Variants in ABCG2 observed in about 807,000 individuals in gnomAD.
ABCG2 encodes broad substrate specificity ATP-binding cassette transporter ABCG2.
In ABCG2, 80 loss-of-function variants were observed where a neutral mutation model predicts 73.5. The ratio of observed to expected loss-of-function variants is 1.09; its 90% CI spans 0.91 to 1.31. ABCG2 has a LOEUF of 1.31. Among genes scored for constraint, ABCG2 ranks in the 50% most tolerant of loss-of-function variants. The probability of loss-of-function intolerance (pLI) is 0.00; values close to 1 mark genes in which losing one functional copy is unlikely to be tolerated. For synonymous variants in ABCG2, 269 were observed against 282.4 expected, an observed-to-expected ratio of 0.95 and a Z score of 0.48; for missense variants, 796 against 786.2, an observed-to-expected ratio of 1.01 and a Z score of -0.15.
At chr4:88,136,930 T>C (rs1403592057) in intron 2 of ABCG2, among the ~76,000 whole-genome samples, 1 of 150,738 alleles carries the variant, frequency 6.6e-6, no homozygotes, top group Non-Finnish European at 1.5e-5. Flanking sequence ...GAGAATCTCT[T>C]GAACCCAGGA....
chr4:88,138,902 G>A (rs1725423972), intron 2 of ABCG2, among the ~76,000 whole-genome samples: 1 of 152,090 alleles, frequency 6.6e-6, no homozygotes, highest in Admixed American at 6.6e-5. Flanking sequence ...CAGTGCTTTG[G>A]GAGGCTGAGG....
chr4:88,194,339 A>G (rs1049158146), intron 1 of ABCG2, among the ~76,000 whole-genome samples: 3 of 151,874 alleles, frequency 2.0e-5, no homozygotes, highest in Non-Finnish European at 4.4e-5. Context: ...TCACGAGGTC[A>G]GGAGATAAAG....
intron 1 of ABCG2, among the ~76,000 whole-genome samples, chr4:88,148,394 G>C (rs1726197919): frequency 6.6e-6 from 1 of 152,160 alleles, no homozygotes; most frequent in South Asian, 2.1e-4. Flanking sequence ...CCATTCATGA[G>C]GCTGGAGTTT....
intron 1 of ABCG2, among the ~76,000 whole-genome samples, chr4:88,174,515 G>T (rs917510020): frequency 3.3e-5 from 5 of 152,126 alleles, no homozygotes; most frequent in Non-Finnish European, 7.4e-5. Context: ...CTTTTTTATG[G>T]CCACATAGTA....
At chr4:88,153,647 G>A (rs1726705077) in intron 1 of ABCG2, among the ~76,000 whole-genome samples, 2 of 152,114 alleles carry the variant, frequency 1.3e-5, no homozygotes, top group South Asian at 4.2e-4. Context: ...GAGGTGGGAA[G>A]GCCAAACCAA....
At chr4:88,146,340 G>GT (rs11413103) in intron 1 of ABCG2, among the ~76,000 whole-genome samples, 72,171 of 150,962 alleles carry the variant, frequency 0.48, 18,049 homozygotes, top group East Asian at 0.67. Context: ...ACATAAGTAA[G>GT]GTGGGAGTTT....
intron 1 of ABCG2, among the ~76,000 whole-genome samples, chr4:88,208,215 A>G (rs1729453895): frequency 6.6e-6 from 1 of 152,234 alleles, no homozygotes; most frequent in Admixed American, 6.5e-5. Flanking sequence ...ATTCACCGAA[A>G]CAATTTACAT....
intron 1 of ABCG2, among the ~76,000 whole-genome samples, chr4:88,182,812 G>T (rs759664555): frequency 3.3e-5 from 5 of 152,104 alleles, no homozygotes; most frequent in African/African-American, 1.2e-4. Flanking sequence ...ACAGCCAGGC[G>T]TGGTGGCTCA....
chr4:88,109,011 T>TG (rs1005800800), intron 9 of ABCG2, among the ~76,000 whole-genome samples: 9 of 151,728 alleles, frequency 5.9e-5, no homozygotes, highest in African/African-American at 2.2e-4. Flanking sequence ...ATTTTTTTTT[T>TG]TTTTTTTGAG....
At chr4:88,100,838 T>C (rs565652449) in intron 11 of ABCG2, among the ~76,000 whole-genome samples, 1 of 152,202 alleles carries the variant, frequency 6.6e-6, no homozygotes, top group East Asian at 1.9e-4. Context: ...CCCTCAAACT[T>C]TTCTTGTGAA....
intron 5 of ABCG2, among the ~76,000 whole-genome samples, chr4:88,124,022 G>A (rs1342831986): frequency 1.3e-5 from 2 of 152,164 alleles, no homozygotes; most frequent in Non-Finnish European, 2.9e-5. Context: ...AATTCTTAAA[G>A]AAAAGAATTT....
intron 13 of ABCG2, 138 bp from the exon 14 acceptor site, chr4:88,095,747 A>G: frequency 1.5e-6 from 1 of 654,638 alleles, no homozygotes; most frequent in South Asian, 1.8e-5. Context: ...CTCTCCACTT[A>G]CTCAAGACAC....
upstream of ABCG2, chr4:88,159,366 G>T: frequency 5.6e-6 from 2 of 359,842 alleles, no homozygotes; most frequent in South Asian, 4.0e-5. Flanking sequence ...GGATGCTTGC[G>T]CCCCAGGGCC....
chr4:88,153,588 T>C (rs940752884), intron 1 of ABCG2, among the ~76,000 whole-genome samples: 2 of 150,964 alleles, frequency 1.3e-5, no homozygotes, highest in Non-Finnish European at 3.0e-5. Context: ...CCCGAAAAAC[T>C]GCTTGGCTGA....
At chr4:88,149,569 C>T (rs763033763) in intron 1 of ABCG2, among the ~76,000 whole-genome samples, 32 of 152,078 alleles carry the variant, frequency 2.1e-4, no homozygotes, top group Non-Finnish European at 3.2e-4. Flanking sequence ...AAAATTAATT[C>T]GGCCGGGCAT....
chr4:88,134,850 A>T (rs1420119579), intron 2 of ABCG2, among the ~76,000 whole-genome samples: 1 of 152,222 alleles, frequency 6.6e-6, no homozygotes, highest in Non-Finnish European at 1.5e-5. Flanking sequence ...ATGATCAAGT[A>T]TTTACTGTGT....
intron 9 of ABCG2, among the ~76,000 whole-genome samples, chr4:88,112,681 C>T (rs1199647301): frequency 6.6e-6 from 1 of 152,118 alleles, no homozygotes; most frequent in Non-Finnish European, 1.5e-5. Context: ...AAGTGAACAG[C>T]TACCAGAAAA....
At chr4:88,118,379 TA>T in intron 6 of ABCG2, 119 bp from the exon 7 acceptor site, 2 of 1,033,264 alleles carry the variant, frequency 1.9e-6, no homozygotes, top group Non-Finnish European at 1.4e-6. Context: ...TTTGTCTTAC[TA>T]ACTTTTCATC....
intron 1 of ABCG2, among the ~76,000 whole-genome samples, chr4:88,145,597 G>A (rs1481205956): frequency 6.6e-6 from 1 of 152,112 alleles, no homozygotes; most frequent in Non-Finnish European, 1.5e-5. Flanking sequence ...AGCCACTGAG[G>A]CCTTTTAATC....
Sources: gnomAD v4.1 joint callset for allele counts (sites outside exome capture counted in the v4.1 genomes callset) on GRCh38, gnomAD v4.1.1 for gene constraint, MANE v1.5 for transcripts, NCBI Gene and HGNC (gene_info 2026-07-23, HGNC 2026-07-21) for gene names.